Variants in CREBBP observed in about 807,000 individuals in gnomAD.
CREBBP encodes CREB-binding protein.
A neutral mutation model predicts 265.0 loss-of-function variants in CREBBP; 19 were observed. That is an observed-to-expected ratio of 0.07 (90% CI 0.05 to 0.11). The LOEUF (loss-of-function observed/expected upper bound fraction) is 0.11. CREBBP is among the 10% of genes least tolerant of loss of function. The pLI, the probability that CREBBP is intolerant of heterozygous loss-of-function variation, is 1.00. For synonymous variants in CREBBP, 1,457 were observed against 1,223.7 expected (o/e 1.19, Z -3.98); for missense variants, 2,525 against 3,219.0 (o/e 0.78, Z 5.22).
intron 2 of CREBBP, among the ~76,000 whole-genome samples, chr16:3,816,397 A>C (rs1372241772): frequency 6.6e-6 from 1 of 152,244 alleles, no homozygotes; most frequent in African/African-American, 2.4e-5. Flanking sequence ...ACTGCCCCCA[A>C]GAAAGAATGG....
rs1299076332 is a variant in CREBBP at position 3,880,576 on chromosome 16, GGGCCGGGCGGAGCGGGCC to G, written c.-678_-661del. The G allele has an allele frequency of 6.2e-5, 9 of 146,314 alleles. No homozygotes were observed. The highest frequency in any genetic ancestry group is 3.9e-4 in the South Asian group (2 of 5,178). 9.1% of individuals were successfully genotyped at this position (146,314 alleles called of 1,614,324 possible). On this transcript the variant is annotated 5_prime_UTR_variant, in exon 1 of 31. Coordinates refer to ENST00000262367, the MANE Select transcript of CREBBP (RefSeq NM_004380.3). ...GCGGGGCCGCCGGGGCGGGCGCCGA[GGGCCGGGCGGAGCGGGCC>G]GGCCGGGCGGAGCGGGGTGCGCGGG...
At chr16:3,736,524 A>G in intron 27 of CREBBP, 126 bp downstream of exon 27, 1 of 1,412,906 alleles carries the variant, frequency 7.1e-7, no homozygotes, top group South Asian at 1.2e-5. Context: ...TTAGGCTTTT[A>G]TTTTTCTGCT....
At position 3,731,954 on chromosome 16, in the gene CREBBP, G is replaced by A. The variant is rs765602036; in HGVS notation, c.4729-17C>T. On this transcript the variant is annotated splice_polypyrimidine_tract_variant and intron_variant, in intron 28 of 30. Coordinates refer to ENST00000262367, the MANE Select transcript of CREBBP (RefSeq NM_004380.3). This position sits in a 1 kb window ranked among gnomAD's most constrained non-coding sequence, Gnocchi z 7.7. Reference sequence around the variant, plus strand: ...CTGACTGCCCTGCAACAACACGCAAGGCTGTGAGACCAGGCAAGTGCCCCT... The same window carrying A: ...CTGACTGCCCTGCAACAACACGCAAAGCTGTGAGACCAGGCAAGTGCCCCT... 4.3e-5 allele frequency: 70 copies of A among 1,614,052 alleles called. No homozygotes were observed. The highest frequency in any genetic ancestry group is 5.8e-5 in the Non-Finnish European group (68 of 1,180,048).
chr16:3,836,491 G>T (rs1281171136), intron 2 of CREBBP, among the ~76,000 whole-genome samples: 2 of 151,752 alleles, frequency 1.3e-5, no homozygotes, highest in Non-Finnish European at 2.9e-5. Flanking sequence ...ATTGTCGGGG[G>T]ATGAGTGGGG....
At chr16:3,802,108 T>A (rs1034731378) in intron 3 of CREBBP, among the ~76,000 whole-genome samples, 5 of 146,354 alleles carry the variant, frequency 3.4e-5, no homozygotes, top group Non-Finnish European at 6.0e-5. Context: ...ACTCTGGTAT[T>A]CCTTAATTTT....
chr16:3,778,152 T>C lies in CREBBP; in HGVS notation c.1972A>G (p.Ile658Val), dbSNP rs1356000508. 6.2e-7 allele frequency: 1 copy of C among 1,611,808 alleles called. No homozygotes were observed. Among genetic ancestry groups the C allele is most frequent in the Non-Finnish European group, 8.5e-7 (1 of 1,177,894 alleles). Residue 658 changes from isoleucine to valine, a missense_variant, in exon 10 of 31, where the codon ATC (isoleucine) becomes GTC (valine). Coordinates refer to ENST00000262367, the MANE Select transcript of CREBBP (RefSeq NM_004380.3). ...DEYYHLLAEK[I>V]YKIQKELEEK... ...TCTAGTTCTTTTTGTATCTTGTAGA[T>C]TTTCTCTGCTAATAAGTGATAATAT...
At chr16:3,810,575 A>AT (rs779452035) in intron 3 of CREBBP, 28 bp downstream of exon 3, 1 of 1,612,768 alleles carries the variant, frequency 6.2e-7, no homozygotes, top group Non-Finnish European at 8.5e-7. Flanking sequence ...CCGGAGAGCC[A>AT]TAACACTGAG....
In CREBBP at chr16:3,782,142, G is replaced by A. The variant is rs374169198; in HGVS notation, c.1573+542C>T. Reference sequence around the variant, plus strand: ...TATGCAGAAATGGCAAAATCATGGCGATGTGTGAGCAAACGATCAAAGGCT... The same window carrying A: ...TATGCAGAAATGGCAAAATCATGGCAATGTGTGAGCAAACGATCAAAGGCT... On this transcript the variant is annotated intron_variant, in intron 6 of 30. Coordinates refer to ENST00000262367, the MANE Select transcript of CREBBP (RefSeq NM_004380.3). Among the ~76,000 whole-genome samples the A allele has an allele frequency of 1.8e-3, 280 of 152,274 alleles. 4 individuals carry two copies. Among genetic ancestry groups the A allele is most frequent in the Middle Eastern group, 0.01 (3 of 294 alleles).
chr16:3,798,114 G>A (rs1196026832), intron 3 of CREBBP, among the ~76,000 whole-genome samples: 1 of 152,208 alleles, frequency 6.6e-6, no homozygotes, highest in Non-Finnish European at 1.5e-5. Context: ...GAGGAGCACA[G>A]GCACTGGACA....
chr16:3,858,555 C>T (rs1314981127), intron 1 of CREBBP, among the ~76,000 whole-genome samples: 2 of 152,218 alleles, frequency 1.3e-5, no homozygotes, highest in African/African-American at 4.8e-5. Context: ...CTACTCAGTG[C>T]CTAGCATAAA....
rs1464234725 is a variant in CREBBP at position 3,770,662 on chromosome 16, G to C, written c.2788C>G (p.Pro930Ala). The C allele has an allele frequency of 6.2e-7, 1 of 1,613,898 alleles. No individual in the cohort carries two copies. The highest frequency in any genetic ancestry group is 8.5e-7 in the Non-Finnish European group (1 of 1,180,012). ...AAAQAQVTPQ[P>A]QTPVQPPSVA... Reference sequence around the variant, plus strand: ...GACGGGGGCTGAACTGGGGTTTGAGGCTGCGGGGTCACCTGGGCCTGGGCT... The same window carrying C: ...GACGGGGGCTGAACTGGGGTTTGAGCCTGCGGGGTCACCTGGGCCTGGGCT... Residue 930 changes from proline to alanine, a missense_variant, in exon 14 of 31, where the codon CCT becomes GCT. Physicochemically the swap from Pro to Ala is conservative, Grantham distance 27. Coordinates refer to ENST00000262367, the MANE Select transcript of CREBBP (RefSeq NM_004380.3).
At position 3,782,790 on chromosome 16, in the gene CREBBP, T is replaced by C; in HGVS notation, c.1467A>G (p.Gly489=). The C allele has an allele frequency of 1.2e-6, 2 of 1,613,662 alleles. No homozygotes were observed. Among genetic ancestry groups the C allele is most frequent in the Non-Finnish European group, 1.7e-6 (2 of 1,179,938 alleles). Residue 489 remains glycine, a synonymous_variant, in exon 6 of 31, where the codon GGA becomes GGG. Coordinates refer to ENST00000262367, the MANE Select transcript of CREBBP (RefSeq NM_004380.3). ...SSMQRAYAAL[G]LPYMNQPQTQ... ...TCTGGGGCTGGTTCATGTAGGGGAG[T>C]CCGAGAGCAGCATAGGCTCGCTGCA...
intron 2 of CREBBP, among the ~76,000 whole-genome samples, chr16:3,825,548 G>C (rs1388312655): frequency 6.6e-6 from 1 of 151,880 alleles, no homozygotes; most frequent in Non-Finnish European, 1.5e-5. Flanking sequence ...TGGACACTTT[G>C]CCTCAGTAGA....
chr16:3,816,584 T>C (rs955778616), intron 2 of CREBBP, among the ~76,000 whole-genome samples: 1 of 152,140 alleles, frequency 6.6e-6, no homozygotes. Context: ...GTCTGGCAAG[T>C]AGGTGAGTGA....
intron 15 of CREBBP, among the ~76,000 whole-genome samples, chr16:3,768,436 A>G (rs959287528): frequency 6.6e-6 from 1 of 152,108 alleles, no homozygotes; most frequent in Non-Finnish European, 1.5e-5. Flanking sequence ...TGTGAGCCAC[A>G]GCTCCCAGCC....
intron 13 of CREBBP, among the ~76,000 whole-genome samples, chr16:3,772,544 C>T (rs544534167): frequency 6.6e-6 from 1 of 152,216 alleles, no homozygotes; most frequent in African/African-American, 2.4e-5. Context: ...TTTATTGGCA[C>T]ACAGCCACCT....
chr16:3,803,158 AT>A (rs547916709), intron 3 of CREBBP, among the ~76,000 whole-genome samples: 1 of 150,950 alleles, frequency 6.6e-6, no homozygotes, highest in South Asian at 2.1e-4. Context: ...GTGTTTATTG[AT>A]TTTTTTTAAA....
At chr16:3,837,605 G>A (rs1032395418) in intron 2 of CREBBP, among the ~76,000 whole-genome samples, 1 of 151,014 alleles carries the variant, frequency 6.6e-6, no homozygotes, top group African/African-American at 2.4e-5. Flanking sequence ...TACACAGCAA[G>A]ACTGTCTCAA....
intron 11 of CREBBP, among the ~76,000 whole-genome samples, chr16:3,776,759 T>A (rs1026124094): frequency 2.0e-5 from 3 of 151,840 alleles, no homozygotes; most frequent in Admixed American, 6.6e-5. Flanking sequence ...ATGCCTGTAA[T>A]CCCAGCACTT....
Sources: allele counts gnomAD v4.1 joint callset (sites outside exome capture counted in the v4.1 genomes callset), GRCh38; gene constraint gnomAD v4.1.1; non-coding constraint Gnocchi (gnomAD v3.1); transcripts MANE v1.5; gene names NCBI Gene and HGNC (gene_info 2026-07-23, HGNC 2026-07-21).